Variants in TANGO6 observed in about 807,000 individuals in gnomAD.
The protein encoded by TANGO6 is transport and golgi organization 6 homolog.
A neutral mutation model predicts 114.2 loss-of-function variants in TANGO6; 90 were observed. That is an observed-to-expected ratio of 0.79 (90% CI 0.66 to 0.94). The LOEUF (loss-of-function observed/expected upper bound fraction) is 0.94. Ranked by LOEUF, TANGO6 falls within the 40% of genes least tolerant of loss-of-function variation. The pLI is 0.00. For missense variants in TANGO6, 1,274 were observed against 1,315.3 expected, an observed-to-expected ratio of 0.97 and a Z score of 0.49; for synonymous variants, 477 against 509.8, an observed-to-expected ratio of 0.94 and a Z score of 0.87.
intron 3 of TANGO6, among the ~76,000 whole-genome samples, chr16:68,864,793 G>T (rs1962151734): frequency 6.6e-6 from 1 of 151,950 alleles, no homozygotes; most frequent in Admixed American, 6.6e-5. Context: ...CATTCTTCAG[G>T]TTTCTTACCC....
intron 15 of TANGO6, among the ~76,000 whole-genome samples, chr16:69,019,870 T>C (rs183606533): frequency 1.3e-5 from 2 of 152,294 alleles, no homozygotes; most frequent in Admixed American, 1.3e-4. Flanking sequence ...AAAAATAGTA[T>C]TTCATCAGTT....
intron 1 of TANGO6, among the ~76,000 whole-genome samples, chr16:68,856,943 A>G (rs981503480): frequency 9.2e-5 from 14 of 152,062 alleles, no homozygotes; most frequent in African/African-American, 3.1e-4. Context: ...CCCCATCTCT[A>G]CTAAAAATAC....
At chr16:68,907,803 G>A (rs893901033) in intron 10 of TANGO6, among the ~76,000 whole-genome samples, 15 of 152,042 alleles carry the variant, frequency 9.9e-5, no homozygotes, top group Admixed American at 3.9e-4. Context: ...CCAAGTAATC[G>A]GCACTGACAG....
chr16:68,894,837 T>C (rs1312004479), intron 7 of TANGO6, among the ~76,000 whole-genome samples: 2 of 152,136 alleles, frequency 1.3e-5, no homozygotes, highest in Non-Finnish European at 2.9e-5. Flanking sequence ...CCAGAACTTT[T>C]TCATCACTGT....
intron 15 of TANGO6, among the ~76,000 whole-genome samples, chr16:68,994,782 A>C (rs912514584): frequency 2.0e-5 from 3 of 151,550 alleles, no homozygotes; most frequent in Non-Finnish European, 4.4e-5. Flanking sequence ...ATGGGGTTTC[A>C]CCATGTTGCC....
At chr16:68,845,261 C>A (rs1189197817) in intron 1 of TANGO6, among the ~76,000 whole-genome samples, 1 of 152,176 alleles carries the variant, frequency 6.6e-6, no homozygotes, top group Admixed American at 6.5e-5. Context: ...AGCCACTACA[C>A]CTGGCCTGCA....
chr16:68,852,122 C>T (rs1961911553), intron 1 of TANGO6, among the ~76,000 whole-genome samples: 1 of 152,176 alleles, frequency 6.6e-6, no homozygotes, highest in Non-Finnish European at 1.5e-5. Context: ...ACAGCTTTTA[C>T]TTGTCAGGCT....
chr16:68,926,363 G>A (rs1270337897), intron 12 of TANGO6, among the ~76,000 whole-genome samples: 2 of 151,592 alleles, frequency 1.3e-5, no homozygotes, highest in African/African-American at 4.8e-5. Context: ...GCATGGTGGC[G>A]TGTGCCTGTA....
chr16:68,920,651 T>C (rs556336692), intron 12 of TANGO6, among the ~76,000 whole-genome samples: 1 of 152,302 alleles, frequency 6.6e-6, no homozygotes, highest in South Asian at 2.1e-4. Context: ...GCTTGAGGAT[T>C]CAAATCTGAT....
intron 15 of TANGO6, among the ~76,000 whole-genome samples, chr16:68,996,960 A>G (rs574966801): frequency 6.6e-6 from 1 of 150,562 alleles, no homozygotes; most frequent in African/African-American, 2.5e-5. Context: ...AACCTGGTCC[A>G]TAGAGGAAAT....
At chr16:69,041,538 A>C (rs759897626) in intron 17 of TANGO6, among the ~76,000 whole-genome samples, 1 of 151,794 alleles carries the variant, frequency 6.6e-6, no homozygotes, top group Non-Finnish European at 1.5e-5. Flanking sequence ...TTCTGATGCC[A>C]TTTTTGTACA....
rs369432337 is a variant in TANGO6 at position 68,999,930 on chromosome 16, A to G, written c.2843-22898A>G. Reference sequence around the variant, plus strand: ...CACTTTCCAAAGTTATCAGAGATGTATATTGAAGAGTGCTTGTCAGAGTCC... The same window carrying G: ...CACTTTCCAAAGTTATCAGAGATGTGTATTGAAGAGTGCTTGTCAGAGTCC... On this transcript the variant is annotated intron_variant, in intron 15 of 17. Transcript: ENST00000261778. 6.6e-5 allele frequency among the ~76,000 whole-genome samples: 10 copies of G among 152,346 alleles called. No homozygotes were observed. The East Asian group carries it at 7.7e-4, about 12-fold the overall frequency.
In TANGO6 at chr16:68,907,455, A is replaced by G; in HGVS notation, c.1680A>G (p.Glu560=). The G allele has an allele frequency of 6.3e-7, 1 of 1,598,728 alleles. No homozygotes were observed. The highest frequency in any genetic ancestry group is 8.5e-7 in the Non-Finnish European group (1 of 1,175,850). Residue 560 remains glutamate, a synonymous_variant, in exon 10 of 18, where the codon GAA becomes GAG. Coordinates refer to ENST00000261778, the MANE Select transcript of TANGO6 (RefSeq NM_024562.2). ...CCCTGCATTGCAGTGATGAAGATGA[A>G]GATGAAGCCCTGTACCAGAAGGTAT... ...TIKEAISDED[E]DEALYQKVSS... is the part of the protein sequence containing the mutation.
At chr16:68,973,780 C>T (rs1963733922) in intron 14 of TANGO6, 4 of 499,850 alleles carry the variant, frequency 8.0e-6, no homozygotes, top group Non-Finnish European at 1.4e-5. Flanking sequence ...GATCATAGAA[C>T]GTCAGTGCTG....
chr16:69,038,525 C>T (rs991813521), intron 16 of TANGO6, among the ~76,000 whole-genome samples: 6 of 150,524 alleles, frequency 4.0e-5, no homozygotes, highest in African/African-American at 1.2e-4. Context: ...ATTTTTTTTT[C>T]TCTTTTTAAA....
At chr16:68,893,277 T>G (rs940518657) in intron 7 of TANGO6, among the ~76,000 whole-genome samples, 3 of 152,206 alleles carry the variant, frequency 2.0e-5, no homozygotes, top group African/African-American at 7.2e-5. Flanking sequence ...CAACCTTGTT[T>G]CACAGATAAG....
intron 4 of TANGO6, among the ~76,000 whole-genome samples, chr16:68,869,075 G>C (rs946850169): frequency 1.3e-5 from 2 of 151,792 alleles, no homozygotes; most frequent in Non-Finnish European, 2.9e-5. Flanking sequence ...ATAATCTTTT[G>C]TACTTCCTGG....
At chr16:69,020,736 C>T (rs1021561162) in intron 15 of TANGO6, among the ~76,000 whole-genome samples, 8 of 151,724 alleles carry the variant, frequency 5.3e-5, no homozygotes, top group Non-Finnish European at 1.2e-4. Flanking sequence ...CCTGTTTCTA[C>T]AAAAAAATCA....
chr16:69,006,800 C>T (rs1304558046), intron 15 of TANGO6, among the ~76,000 whole-genome samples: 2 of 152,018 alleles, frequency 1.3e-5, no homozygotes, highest in East Asian at 3.9e-4. Context: ...AATTCATATA[C>T]CATATAATTC....
Sources: gnomAD v4.1 joint callset for allele counts (sites outside exome capture counted in the v4.1 genomes callset) on GRCh38, gnomAD v4.1.1 for gene constraint, MANE v1.5 for transcripts, NCBI Gene and HGNC (gene_info 2026-07-23, HGNC 2026-07-21) for gene names.